SCYL1: variants seen among roughly 807,000 people sequenced by gnomAD.
The protein encoded by SCYL1 is N-terminal kinase-like protein.
A neutral mutation model predicts 94.8 loss-of-function variants in SCYL1; 85 were observed. The observed-to-expected ratio is 0.90, with a 90% confidence interval of 0.75 to 1.07. The LOEUF is 1.07. Among genes scored for constraint, SCYL1 ranks in the 50% least tolerant of loss-of-function variants. SCYL1 has a pLI of 0.00. For missense variants in SCYL1, 968 were observed against 1,083.3 expected (o/e 0.89, Z 1.49); for synonymous variants, 459 against 435.5 (o/e 1.05, Z -0.67).
At position 65,525,576 on chromosome 11, in the gene SCYL1, C is replaced by T. The variant is rs1279017995; in HGVS notation, c.114C>T (p.Ala38=). 3 of 1,611,996 alleles carry T rather than the reference C, an allele frequency of 1.9e-6. No individual in the cohort carries two copies. Among genetic ancestry groups the T allele is most frequent in the Non-Finnish European group, 2.5e-6 (3 of 1,179,870 alleles). Residue 38 remains alanine, a splice_region_variant and synonymous_variant, in exon 2 of 18, where the codon GCC becomes GCT. Transcript: ENST00000270176. ...CAGGCCCCGCTGCCCTCCCCTAGGCCACAGGCAGCCCCGTGTCCATCTTCG... is the reference window on the plus strand; with the variant it reads ...CAGGCCCCGCTGCCCTCCCCTAGGCTACAGGCAGCCCCGTGTCCATCTTCG... ...PWALHRGRKK[A]TGSPVSIFVY...
At position 65,537,057 on chromosome 11, in the gene SCYL1, G is replaced by A. The variant is rs756530092; in HGVS notation, c.1888G>A (p.Glu630Lys). Residue 630 changes from glutamate (E) to lysine (K), a missense_variant, in exon 14 of 18, where the codon GAG becomes AAG. Transcript: ENST00000270176. ...CTCAGGCCACTGGGAGACGCAGGAG[G>A]AGGACAAGGACACAGCAGAGGACAG... ...TTSGHWETQE[E>K]DKDTAEDSST... 6.2e-7 allele frequency: 1 copy of A among 1,614,026 alleles called. No individual in the cohort carries two copies. The highest frequency in any genetic ancestry group is 1.7e-5 in the Admixed American group (1 of 60,010).
rs1429895839 is a variant in SCYL1 at position 65,538,654 on chromosome 11, C to G, written c.*88C>G. 1 of 1,431,330 alleles carries G rather than the reference C, an allele frequency of 7.0e-7. No individual in the cohort carries two copies. Among genetic ancestry groups the G allele is most frequent in the Admixed American group, 2.2e-5 (1 of 46,316 alleles). The allele number at this position is 1,431,330 out of a possible 1,614,324, so 88.7% of individuals were successfully genotyped here. A position where few individuals can be genotyped will look rare whatever the true frequency, so the allele number is the denominator to read the frequency against. ...ACCATGTGAGCCCGGCCGGCCCAGC[C>G]AGGCCATCTCACGTGTACATAATCA... On this transcript the variant is annotated 3_prime_UTR_variant, in exon 18 of 18. Coordinates refer to ENST00000270176, the MANE Select transcript of SCYL1 (RefSeq NM_020680.4).
At chr11:65,535,590 G>T in intron 10 of SCYL1, 1 of 685,658 alleles carries the variant, frequency 1.5e-6, no homozygotes. Context: ...ATCCAGGCGT[G>T]CTTGGCCCCA....
chr11:65,534,264 T>C (rs1441619910), intron 9 of SCYL1, among the ~76,000 whole-genome samples: 1 of 151,432 alleles, frequency 6.6e-6, no homozygotes, highest in Non-Finnish European at 1.5e-5. Flanking sequence ...TTAAAAAAAT[T>C]AGCCAGGCAT....
chr11:65,536,409 C>T, intron 12 of SCYL1, 75 bp downstream of exon 12: 1 of 1,515,216 alleles, frequency 6.6e-7, no homozygotes, highest in Non-Finnish European at 9.1e-7. Flanking sequence ...CCCACCCCCA[C>T]TGGAGTTTCT....
rs564754518 is a variant in SCYL1, at chr11:65,525,852, C to T, written c.253-69C>T. ...GTTTCCTCTTCCCCATCTCTCCCAA[C>T]TTCAAGTCGCTTATCTCTCCTTCCT... On this transcript the variant is annotated intron_variant, in intron 2 of 17. Coordinates refer to ENST00000270176, the MANE Select transcript of SCYL1 (RefSeq NM_020680.4). The T allele has an allele frequency of 2.6e-4, 419 of 1,586,268 alleles. 6 individuals are homozygous for T. In the South Asian group the frequency reaches 4.6e-3, roughly 17 times the overall value.
chr11:65,535,470 T>C (rs933576638), intron 10 of SCYL1, 88 bp downstream of exon 10: 54 of 1,513,278 alleles, frequency 3.6e-5, no homozygotes, highest in Non-Finnish European at 4.8e-5. Flanking sequence ...TGTGGGGGCC[T>C]TCATTCTCCC....
At position 65,525,214 on chromosome 11, in the gene SCYL1, C is replaced by CA; in HGVS notation, c.61_62insA (p.Pro21HisfsTer29). 6.9e-7 allele frequency: 1 copy of CA among 1,458,256 alleles called. No homozygotes were observed. The highest frequency in any genetic ancestry group is 1.3e-5 in the South Asian group (1 of 74,658). The allele number at this position is 1,458,256 out of a possible 1,614,324, so 90.3% of individuals were successfully genotyped here. On this transcript the variant is annotated frameshift_variant, in exon 1 of 18. Coordinates refer to ENST00000270176, the MANE Select transcript of SCYL1 (RefSeq NM_020680.4). LOFTEE classifies it high-confidence loss of function. ...TCCGTTCGAGCTCATCCCGGAGCCC[C>CA]CAGAGGGCGGCCTGCCCGGGCCCTG... is the stretch of plus-strand genomic sequence containing the variant.
intron 7 of SCYL1, 103 bp from the exon 8 acceptor site, chr11:65,531,473 C>G: frequency 1.2e-6 from 1 of 808,748 alleles, no homozygotes; most frequent in Non-Finnish European, 2.1e-6. Context: ...CCTCCGCCAT[C>G]ACTTCATTCC....
chr11:65,526,255 C>T lies in SCYL1; in HGVS notation c.507C>T (p.Asn169=), dbSNP rs751611058. 2.3e-5 allele frequency: 37 copies of T among 1,613,020 alleles called. No homozygotes were observed. The highest frequency in any genetic ancestry group is 1.1e-4 in the East Asian group (5 of 44,894). The stretch of plus-strand genomic sequence containing the variant: ...ACTACATGTATTCGGCCCAGGGCAA[C>T]GGTGGGGGACCTCCCCGCAAGGGGA... ...GLDYMYSAQG[N]GGGPPRKGIP... is the part of the protein sequence containing the mutation. Residue 169 remains asparagine (N), a synonymous_variant, in exon 4 of 18, where the codon AAC becomes AAT. Coordinates refer to ENST00000270176, the MANE Select transcript of SCYL1 (RefSeq NM_020680.4). This position sits in a 1 kb window ranked among gnomAD's most constrained non-coding sequence, Gnocchi z 4.1.
chr11:65,535,975 C>T lies in SCYL1; in HGVS notation c.1409C>T (p.Ser470Phe). Residue 470 changes from serine to phenylalanine, a missense_variant, in exon 11 of 18, where the codon TCT becomes TTT. Physicochemically the swap from Ser to Phe is radical, Grantham distance 155 (BLOSUM62 -2). Coordinates refer to ENST00000270176, the MANE Select transcript of SCYL1 (RefSeq NM_020680.4). ...TAGACCAGACACAGGGTCCTTACCT[C>T]TGCCTTCAGCCGAGCCACTAGGGAC... Reference protein sequence around the residue: ...SASTRHRVLTSAFSRATRDPF... With the variant: ...SASTRHRVLTFAFSRATRDPF... 1 of 1,607,654 alleles carries T rather than the reference C, an allele frequency of 6.2e-7. No homozygotes were observed. The highest frequency in any genetic ancestry group is 8.5e-7 in the Non-Finnish European group (1 of 1,176,524).
At position 65,536,951 on chromosome 11, in the gene SCYL1, C is replaced by G. The variant is rs756860328; in HGVS notation, c.1817-35C>G. On this transcript the variant is annotated intron_variant, in intron 13 of 17. Transcript: ENST00000270176. ...TAGCAGCCTCTGCCCTGTCCCAAGA[C>G]CCCCCTGAAAGCTCAGTGAGCCTCT... The G allele has an allele frequency of 5.1e-6, 8 of 1,564,472 alleles. No homozygotes were observed. In the South Asian group the frequency reaches 6.7e-5, roughly 13 times the overall value.
At position 65,536,285 on chromosome 11, in the gene SCYL1, G is replaced by A; in HGVS notation, c.1602G>A (p.Leu534=). 1 of 1,614,180 alleles carries A rather than the reference G, an allele frequency of 6.2e-7. No individual in the cohort carries two copies. Among genetic ancestry groups the A allele is most frequent in the Non-Finnish European group, 8.5e-7 (1 of 1,179,998 alleles). The stretch of plus-strand genomic sequence containing the variant: ...CCTTCAAGGCCATTCGGAGCTTCCT[G>A]TCCAAATTGGAGTCTGTGTCGGAGG... ...DQAFKAIRSF[L]SKLESVSEDP... Residue 534 remains leucine, a synonymous_variant, in exon 12 of 18, where the codon CTG becomes CTA. Transcript: ENST00000270176.
chr11:65,535,742 C>T (rs1855604529), intron 10 of SCYL1: 1 of 600,728 alleles, frequency 1.7e-6, no homozygotes, highest in East Asian at 2.9e-5. Context: ...TGTTGTGGTC[C>T]CATGCCCTGA....
intron 6 of SCYL1, 136 bp from the exon 7 acceptor site, chr11:65,530,493 G>A: frequency 1.1e-6 from 1 of 896,908 alleles, no homozygotes; most frequent in Non-Finnish European, 1.7e-6. Flanking sequence ...TGGGACAGTT[G>A]GGCTTTGAAC....
rs1245950295 is a variant in SCYL1 at position 65,536,999 on chromosome 11, A to AGCCCCCACCCCTGTTCCTGCC, written c.1831_1851dup (p.Ala611_Ala617dup). The AGCCCCCACCCCTGTTCCTGCC allele has an allele frequency of 2.1e-6, 3 of 1,435,936 alleles. No homozygotes were observed. The highest frequency in any genetic ancestry group is 2.9e-6 in the Non-Finnish European group (3 of 1,043,876). 88.9% of individuals were successfully genotyped at this position (1,435,936 alleles called of 1,614,324 possible). On this transcript the variant is annotated inframe_insertion, in exon 14 of 18. Transcript: ENST00000270176. The stretch of plus-strand genomic sequence containing the variant: ...TCTGCTCCCCAGGAGTTCCTGCCCC[A>AGCCCCCACCCCTGTTCCTGCC]GCCCCCACCCCTGTTCCTGCCACCC...
rs1440404412 is a variant in SCYL1, at chr11:65,535,274, G to A, written c.1278G>A (p.Val426=). 6.2e-7 allele frequency: 1 copy of A among 1,614,248 alleles called. No homozygotes were observed. Among genetic ancestry groups the A allele is most frequent in the East Asian group, 2.2e-5 (1 of 44,894 alleles). The change falls in exon 10 of 18, where the codon GTG becomes GTA. Residue 426 remains valine (V), a synonymous_variant. Coordinates refer to ENST00000270176, the MANE Select transcript of SCYL1 (RefSeq NM_020680.4). ...APKLNEANLN[V]ELMKHFARLQ... The stretch of plus-strand genomic sequence containing the variant: ...AGCTGAACGAGGCCAACCTCAATGT[G>A]GAGCTGATGAAGCACTTTGCACGGC...
chr11:65,534,017 A>G (rs1855522636), intron 9 of SCYL1, among the ~76,000 whole-genome samples: 1 of 152,142 alleles, frequency 6.6e-6, no homozygotes, highest in Non-Finnish European at 1.5e-5. Flanking sequence ...TCACAAGGGC[A>G]GGAGATCAAG....
chr11:65,526,933 C>A lies in SCYL1; in HGVS notation c.694-29C>A. 6.2e-7 allele frequency: 1 copy of A among 1,610,460 alleles called. No homozygotes were observed. The highest frequency in any genetic ancestry group is 8.5e-7 in the Non-Finnish European group (1 of 1,177,536). On this transcript the variant is annotated intron_variant, in intron 5 of 17. Coordinates refer to ENST00000270176, the MANE Select transcript of SCYL1 (RefSeq NM_020680.4). This position sits in a 1 kb window ranked among gnomAD's most constrained non-coding sequence, Gnocchi z 4.1. ...CAGCCCCTCTGCCAGCTGGCTACCC[C>A]TGCCCTGACACTGACCCCTCCCCTA...
Sources: allele counts gnomAD v4.1 joint callset (sites outside exome capture counted in the v4.1 genomes callset), GRCh38; gene constraint gnomAD v4.1.1; non-coding constraint Gnocchi (gnomAD v3.1); transcripts MANE v1.5; gene names NCBI Gene and HGNC (gene_info 2026-07-23, HGNC 2026-07-21).